The following OR4Q3 variants were observed in gnomAD, a reference collection of about 807,000 sequenced individuals.
OR4Q3 encodes the protein olfactory receptor 4Q3.
In OR4Q3, 17 loss-of-function variants were observed where a neutral mutation model predicts 18.8. That is an observed-to-expected ratio of 0.91 (90% CI 0.62 to 1.36). OR4Q3 has a LOEUF of 1.36. Among genes scored for constraint, OR4Q3 ranks in the 40% most tolerant of loss-of-function variants. The pLI, the probability that OR4Q3 is intolerant of heterozygous loss-of-function variation, is 0.00. For synonymous variants in OR4Q3, 158 were observed against 145.8 expected (o/e 1.08, Z -0.60); for missense variants, 378 against 373.4 (o/e 1.01, Z -0.10).
chr14:19,751,280 GC>G, downstream of OR4Q3, among the ~76,000 whole-genome samples: 1 of 152,228 alleles, frequency 6.6e-6, no homozygotes, highest in Non-Finnish European at 1.5e-5. Context: ...AATTTGGTTT[GC>G]TAGTATTGTG....
downstream of OR4Q3, among the ~76,000 whole-genome samples, chr14:19,749,934 TTTC>T: frequency 3.3e-5 from 5 of 150,592 alleles, no homozygotes; most frequent in East Asian, 7.8e-4. Context: ...TCTCTCTCTC[TTTC>T]TTCTTTTTTC....
chr14:19,749,864 TTC>T, downstream of OR4Q3, among the ~76,000 whole-genome samples: 1 of 35,468 alleles, frequency 2.8e-5, no homozygotes, highest in Non-Finnish European at 6.9e-5. Context: ...CTTTCTTTCT[TTC>T]TTTCTTTCTT....
intron 1 of OR4Q3, among the ~76,000 whole-genome samples, chr14:19,746,990 A>G: frequency 1.3e-5 from 2 of 152,222 alleles, no homozygotes; most frequent in Admixed American, 1.3e-4. Context: ...ATTAAATTGA[A>G]TAACCAAGGA....
At chr14:19,745,406 G>A in intron 1 of OR4Q3, among the ~76,000 whole-genome samples, 2 of 152,018 alleles carry the variant, frequency 1.3e-5, no homozygotes, top group African/African-American at 2.4e-5. Flanking sequence ...TATGTTCGGT[G>A]GAAAAAACAA....
At chr14:19,752,075 CA>C, downstream of OR4Q3, among the ~76,000 whole-genome samples, 2 of 152,108 alleles carry the variant, frequency 1.3e-5, no homozygotes, top group Non-Finnish European at 2.9e-5. Flanking sequence ...AATCCTAGAC[CA>C]AAATCTAGGA....
At chr14:19,744,575 G>T (rs569434255) in intron 1 of OR4Q3, among the ~76,000 whole-genome samples, 1 of 152,138 alleles carries the variant, frequency 6.6e-6, no homozygotes, top group Admixed American at 6.6e-5. Flanking sequence ...CTCCAAGCAG[G>T]ACCCTTCCAT....
chr14:19,744,885 T>A, intron 1 of OR4Q3, among the ~76,000 whole-genome samples: 1 of 152,158 alleles, frequency 6.6e-6, no homozygotes. Context: ...CACGGAACAG[T>A]CACAGGCTTA....
chr14:19,748,519 T>G, exon 2 of OR4Q3: 3 of 670,136 alleles, frequency 4.5e-6, no homozygotes, highest in Non-Finnish European at 4.9e-6. Flanking sequence ...GATTACAATT[T>G]AAAAGCATAG....
chr14:19,747,443 G>T lies in OR4Q3; in HGVS notation c.40G>T (p.Asp14Tyr). The T allele has an allele frequency of 6.9e-6, 11 of 1,602,040 alleles. No homozygotes were observed. In the Admixed American group the frequency reaches 1.7e-4, roughly 25 times the overall value. Residue 14 changes from aspartate (D) to tyrosine (Y), a missense_variant, in exon 2 of 2, where the codon GAT (aspartate) becomes TAT (tyrosine). Transcript: ENST00000642117. ...TCTTGGCTTGATGAAAAAAGAACAA[G>T]ATTCTAATGTGACAGAATTTGTTCT...
chr14:19,751,647 G>GT, downstream of OR4Q3, among the ~76,000 whole-genome samples: 1 of 151,948 alleles, frequency 6.6e-6, no homozygotes, highest in Non-Finnish European at 1.5e-5. Flanking sequence ...GAATTTATCA[G>GT]TTTCTTCCAG....
chr14:19,749,838 T>C, downstream of OR4Q3, among the ~76,000 whole-genome samples: 1 of 150,488 alleles, frequency 6.6e-6, no homozygotes, highest in Non-Finnish European at 1.5e-5. Flanking sequence ...ATCCCAATTA[T>C]ACAGATTACT....
At chr14:19,750,966 G>C, downstream of OR4Q3, among the ~76,000 whole-genome samples, 2 of 152,018 alleles carry the variant, frequency 1.3e-5, no homozygotes, top group Admixed American at 6.6e-5. Context: ...AGAGTACTGC[G>C]TGAGTTACAG....
In OR4Q3 at chr14:19,744,185, A is replaced by G. The variant is rs1355827582; in HGVS notation, c.2+514A>G. Reference sequence around the variant, plus strand: ...AATACCACTGTAGGTACCATCTTCAACTAATGGTGTGTCCACTTCTTGGTT... The same window carrying G: ...AATACCACTGTAGGTACCATCTTCAGCTAATGGTGTGTCCACTTCTTGGTT... On this transcript the variant is annotated intron_variant, in intron 1 of 1. Transcript: ENST00000642117. 3.3e-5 allele frequency among the ~76,000 whole-genome samples: 5 copies of G among 152,318 alleles called. No individual in the cohort carries two copies. The East Asian group carries it at 9.6e-4, about 29-fold the overall frequency.
chr14:19,752,127 A>T, downstream of OR4Q3, among the ~76,000 whole-genome samples: 1 of 152,228 alleles, frequency 6.6e-6, no homozygotes, highest in Non-Finnish European at 1.5e-5. Flanking sequence ...AAAATTAGCT[A>T]AGTCCCCCAA....
At chr14:19,750,770 A>G, downstream of OR4Q3, among the ~76,000 whole-genome samples, 1 of 152,250 alleles carries the variant, frequency 6.6e-6, no homozygotes, top group Non-Finnish European at 1.5e-5. Context: ...CTAGGCTGCC[A>G]TTTGGGAGAT....
At chr14:19,747,500 C>T in exon 2 of OR4Q3, 1,200 of 1,613,230 alleles carry the variant, frequency 7.4e-4, no homozygotes, top group Non-Finnish European at 9.4e-4. Flanking sequence ...GGAGCTGCAG[C>T]TATTTCTCTT....
At chr14:19,747,841 C>G in exon 2 of OR4Q3, 1 of 1,608,028 alleles carries the variant, frequency 6.2e-7, no homozygotes, top group Non-Finnish European at 8.5e-7. Context: ...CAGTCATGAA[C>G]CCCCAGCTAT....
At chr14:19,746,080 C>T in intron 1 of OR4Q3, among the ~76,000 whole-genome samples, 1 of 151,874 alleles carries the variant, frequency 6.6e-6, no homozygotes, top group South Asian at 2.1e-4. Flanking sequence ...AAGTACTTTT[C>T]TGCATTGTCT....
exon 2 of OR4Q3, chr14:19,747,923 C>A: frequency 1.2e-6 from 2 of 1,614,034 alleles, no homozygotes; most frequent in Non-Finnish European, 1.7e-6. Flanking sequence ...ACTAGTCATC[C>A]AGCTGCCTTT....
Sources: gnomAD v4.1 joint callset for allele counts (sites outside exome capture counted in the v4.1 genomes callset) on GRCh38, gnomAD v4.1.1 for gene constraint, MANE v1.5 for transcripts, NCBI Gene and HGNC (gene_info 2026-07-23, HGNC 2026-07-21) for gene names.